Variants in TADA2A observed in about 807,000 individuals in gnomAD.
The protein encoded by TADA2A is transcriptional adapter 2-alpha.
Under a neutral mutation model 67.4 loss-of-function variants are expected in TADA2A, and 38 were observed. That is an observed-to-expected ratio of 0.56 (90% CI 0.44 to 0.74). TADA2A has a LOEUF of 0.74. TADA2A is among the 30% of genes least tolerant of loss of function. The probability of loss-of-function intolerance (pLI) is 0.00; values close to 1 mark genes in which losing one functional copy is unlikely to be tolerated. For missense variants in TADA2A, 454 were observed against 547.0 expected, an observed-to-expected ratio of 0.83 and a Z score of 1.70; for synonymous variants, 192 against 181.6, an observed-to-expected ratio of 1.06 and a Z score of -0.46.
chr17:37,476,806 A>T lies in TADA2A; in HGVS notation c.1156A>T (p.Met386Leu), dbSNP rs1272025990. The T allele has an allele frequency of 6.2e-7, 1 of 1,608,482 alleles. No individual in the cohort carries two copies. The highest frequency in any genetic ancestry group is 8.5e-7 in the Non-Finnish European group (1 of 1,175,950). Residue 386 changes from methionine (M) to leucine (L), a missense_variant, in exon 16 of 16, where the codon ATG becomes TTG. Met to Leu is a conservative substitution (Grantham distance 15). This residue lies in a region of TADA2A where 51 missense variants were observed against 91.5 expected (regional missense o/e 0.56). Coordinates refer to ENST00000615182, the MANE Select transcript of TADA2A (RefSeq NM_001166105.3). The part of the protein sequence containing the change: ...LNEKEKELCQ[M>L]VRLVPGAYLE... ...TTGCCGTGTCTTGCAGCTCTGTCAG[A>T]TGGTGAGGTTGGTCCCTGGAGCCTA... is the stretch of plus-strand genomic sequence containing the variant.
Position 37,423,602 on chromosome 17 carries a change from TC to T in TADA2A, c.121del (p.Leu41SerfsTer23). 3.1e-6 allele frequency: 5 copies of T among 1,612,454 alleles called. No homozygotes were observed. The highest frequency in any genetic ancestry group is 4.2e-6 in the Non-Finnish European group (5 of 1,179,592). ...GCTGAATGTGGGCCACCTCCTTTTT[TC>T]CTCTGCTTGCAGGTAACTCACTAAT... Reference protein sequence around the residue: ...KCAECGPPPFFLCLQCFTRGF... With the variant: ...KCAECGPPPFXLCLQCFTRGF... On this transcript the variant is annotated frameshift_variant, in exon 3 of 16. Coordinates refer to ENST00000615182, the MANE Select transcript of TADA2A (RefSeq NM_001166105.3). LOFTEE classifies it high-confidence loss of function.
At chr17:37,446,529 C>T (rs749710654) in intron 8 of TADA2A, among the ~76,000 whole-genome samples, 10 of 151,522 alleles carry the variant, frequency 6.6e-5, no homozygotes, top group African/African-American at 9.7e-5. Flanking sequence ...TTTGGGAGGC[C>T]GAGGCTGGCT....
At chr17:37,430,131 G>A (rs1390819374) in intron 4 of TADA2A, among the ~76,000 whole-genome samples, 3 of 152,184 alleles carry the variant, frequency 2.0e-5, no homozygotes, top group South Asian at 2.1e-4. Flanking sequence ...GCTTTCTTTA[G>A]CTATTCTGGC....
intron 14 of TADA2A, among the ~76,000 whole-genome samples, chr17:37,472,001 G>A (rs2053797451): frequency 6.6e-6 from 1 of 151,968 alleles, no homozygotes; most frequent in Admixed American, 6.6e-5. Flanking sequence ...GGTAATCGAT[G>A]ACTGGGAATT....
chr17:37,426,973 C>A lies in TADA2A; in HGVS notation c.156C>A (p.Tyr52Ter). ...CLQCFTRGFE[Y>*]KKHQSDHTYE... ...AGTGTTTCACTCGAGGCTTTGAGTA[C>A]AAGAAACATCAAAGCGATCATACTT... The change falls in exon 4 of 16, where the codon TAC (tyrosine) becomes TAA (stop). Residue 52 changes from tyrosine to a stop codon, truncating the protein, a stop_gained. Transcript: ENST00000615182. LOFTEE classifies it high-confidence loss of function. 1 of 1,596,028 alleles carries A rather than the reference C, an allele frequency of 6.3e-7. No homozygotes were observed. Among genetic ancestry groups the A allele is most frequent in the Non-Finnish European group, 8.5e-7 (1 of 1,174,988 alleles).
chr17:37,416,250 C>G (rs1407695443), intron 2 of TADA2A, among the ~76,000 whole-genome samples: 1 of 151,680 alleles, frequency 6.6e-6, no homozygotes, highest in East Asian at 2.0e-4. Flanking sequence ...TCCCAAGTAG[C>G]TGGGATTACA....
At chr17:37,439,946 T>TTTA (rs1351599834) in intron 5 of TADA2A, among the ~76,000 whole-genome samples, 14 of 18,140 alleles carry the variant, frequency 7.7e-4, no homozygotes, top group African/African-American at 2.6e-3. Context: ...TTATTTATTA[T>TTTA]TTTTTTTTTT....
rs1234214469 is a variant in TADA2A at position 37,465,483 on chromosome 17, G to A, written c.765G>A (p.Arg255=). ...TCCAGGACCTGTATGAAACAATGAG[G>A]CGATTTGCAAGAATTGTGGGGCCAG... ...KEVQDLYETM[R]RFARIVGPVE... Residue 255 remains arginine (R), a synonymous_variant, in exon 11 of 16, where the codon AGG becomes AGA. Transcript: ENST00000615182. 1 of 1,613,988 alleles carries A rather than the reference G, an allele frequency of 6.2e-7. No homozygotes were observed. Among genetic ancestry groups the A allele is most frequent in the Non-Finnish European group, 8.5e-7 (1 of 1,180,026 alleles).
chr17:37,458,588 G>A lies in TADA2A; in HGVS notation c.668+1G>A. 6.2e-7 allele frequency: 1 copy of A among 1,611,142 alleles called. No homozygotes were observed. The highest frequency in any genetic ancestry group is 8.5e-7 in the Non-Finnish European group (1 of 1,178,512). On this transcript the variant is annotated splice_donor_variant, in intron 9 of 15. Coordinates refer to ENST00000615182, the MANE Select transcript of TADA2A (RefSeq NM_001166105.3). LOFTEE classifies it high-confidence loss of function. ...TAAAGGAGAGACAAAGACGAAAAAA[G>A]TAAGTATAAAAAACCATCCTGGCCT... is the stretch of plus-strand genomic sequence containing the variant.
chr17:37,426,777 C>G, intron 3 of TADA2A, 173 bp from the exon 4 acceptor site: 2 of 479,712 alleles, frequency 4.2e-6, no homozygotes, highest in East Asian at 8.1e-5. Flanking sequence ...CCTAGGAGTT[C>G]AAGGCTGCAG....
intron 8 of TADA2A, among the ~76,000 whole-genome samples, chr17:37,456,810 T>G (rs2053405508): frequency 6.6e-6 from 1 of 152,086 alleles, no homozygotes; most frequent in Non-Finnish European, 1.5e-5. Context: ...TAAAAAGGAA[T>G]TAGAACAGAA....
intron 15 of TADA2A, among the ~76,000 whole-genome samples, chr17:37,476,135 A>T (rs2053888056): frequency 6.6e-6 from 1 of 152,158 alleles, no homozygotes; most frequent in South Asian, 2.1e-4. Context: ...TTGCTGAAGG[A>T]GGTCATAGGT....
At chr17:37,437,970 C>T in intron 5 of TADA2A, 141 bp downstream of exon 5, 1 of 715,724 alleles carries the variant, frequency 1.4e-6, no homozygotes, top group South Asian at 1.8e-5. Flanking sequence ...CAAGTTAGTC[C>T]CCTCTGTACA....
chr17:37,412,155 G>T (rs141180527), intron 2 of TADA2A, among the ~76,000 whole-genome samples: 1 of 150,830 alleles, frequency 6.6e-6, no homozygotes, highest in Non-Finnish European at 1.5e-5. Context: ...AGCTTGCAGT[G>T]AGCTGAGATT....
intron 2 of TADA2A, among the ~76,000 whole-genome samples, chr17:37,412,937 G>GT (rs946239824): frequency 1.4e-4 from 21 of 151,496 alleles, no homozygotes; most frequent in Non-Finnish European, 2.5e-4. Flanking sequence ...AACAATTCGT[G>GT]TTTTTTTTGA....
At chr17:37,455,335 T>C (rs1016195886) in intron 8 of TADA2A, among the ~76,000 whole-genome samples, 16 of 138,416 alleles carry the variant, frequency 1.2e-4, no homozygotes, top group Admixed American at 2.4e-4. Context: ...AAAAAACCTG[T>C]GGGAGTTTTT....
At chr17:37,466,514 T>C (rs1298684195) in intron 11 of TADA2A, among the ~76,000 whole-genome samples, 1 of 152,234 alleles carries the variant, frequency 6.6e-6, no homozygotes, top group Non-Finnish European at 1.5e-5. Flanking sequence ...CATTTGTGTA[T>C]GTGGCTTCTA....
chr17:37,447,090 T>G (rs1361049592), intron 8 of TADA2A, among the ~76,000 whole-genome samples: 1 of 152,258 alleles, frequency 6.6e-6, no homozygotes, highest in Non-Finnish European at 1.5e-5. Flanking sequence ...CATAGTTAGC[T>G]TTAACACAAC....
In TADA2A at chr17:37,446,450, T is replaced by G. The variant is rs188625879; in HGVS notation, c.604+1682T>G. 7.6e-4 allele frequency among the ~76,000 whole-genome samples: 115 copies of G among 152,214 alleles called. 2 individuals carry two copies. Among genetic ancestry groups the G allele is most frequent in the African/African-American group, 9.4e-4 (39 of 41,538 alleles). ...AGGGGCAGCTTCATAAATATCATTC[T>G]TTTAGATTCTGCTCAAAAATACCAA... is the stretch of plus-strand genomic sequence containing the variant. On this transcript the variant is annotated intron_variant, in intron 8 of 15. Transcript: ENST00000615182.
Sources: allele counts gnomAD v4.1 joint callset (sites outside exome capture counted in the v4.1 genomes callset), GRCh38; gene constraint gnomAD v4.1.1; regional missense constraint gnomAD v4.1.1; transcripts MANE v1.5; gene names NCBI Gene and HGNC (gene_info 2026-07-23, HGNC 2026-07-21).